MEIOSIN: variants seen among roughly 807,000 people sequenced by gnomAD.
MEIOSIN encodes the protein meiosis initiator protein.
Under a neutral mutation model 23.4 loss-of-function variants are expected in MEIOSIN, and 18 were observed. The ratio of observed to expected loss-of-function variants is 0.77; its 90% CI spans 0.53 to 1.14. The LOEUF is 1.14. Among genes scored for constraint, MEIOSIN ranks in the 50% most tolerant of loss-of-function variants. The pLI is 0.00. For missense variants in MEIOSIN, 428 were observed against 242.9 expected, an observed-to-expected ratio of 1.76 and a Z score of -5.07; for synonymous variants, 187 against 100.6, an observed-to-expected ratio of 1.86 and a Z score of -5.14.
At chr19:45,759,555 G>A in intron 11 of MEIOSIN, 65 bp downstream of exon 11, 2 of 695,848 alleles carry the variant, frequency 2.9e-6, no homozygotes, top group South Asian at 3.0e-5. Context: ...CGTCACTCAT[G>A]GCTTCATTCA....
At chr19:45,756,189 A>C (rs2146195005) in intron 8 of MEIOSIN, 111 bp downstream of exon 8, 1 of 631,224 alleles carries the variant, frequency 1.6e-6, no homozygotes, top group South Asian at 1.8e-5. Context: ...GTGCCCCTTG[A>C]GCACCAATGG....
At chr19:45,752,200 G>A (rs1344765591) in intron 5 of MEIOSIN, among the ~76,000 whole-genome samples, 3 of 151,652 alleles carry the variant, frequency 2.0e-5, no homozygotes, top group Non-Finnish European at 4.4e-5. Context: ...CTACAGGCAC[G>A]TGCCACCAAT....
chr19:45,757,888 C>T (rs977868455), intron 9 of MEIOSIN, among the ~76,000 whole-genome samples: 2 of 152,154 alleles, frequency 1.3e-5, no homozygotes, highest in Non-Finnish European at 2.9e-5. Flanking sequence ...AGTGCAGTGG[C>T]GCAATCACAG....
At chr19:45,762,304 C>G (rs562446639) in intron 13 of MEIOSIN, 121 bp downstream of exon 13, 62 of 398,636 alleles carry the variant, frequency 1.6e-4, no homozygotes, top group Non-Finnish European at 2.6e-4. Context: ...CCCCACAAAC[C>G]CTTCGTGGAC....
intron 2 of MEIOSIN, among the ~76,000 whole-genome samples, chr19:45,735,683 T>C (rs1214750916): frequency 6.6e-6 from 1 of 152,024 alleles, no homozygotes; most frequent in East Asian, 1.9e-4. Flanking sequence ...TTTATTTATT[T>C]ATTTATTTTT....
At chr19:45,750,829 A>G in intron 5 of MEIOSIN, 43 bp downstream of exon 5, 1 of 559,504 alleles carries the variant, frequency 1.8e-6, no homozygotes, top group Non-Finnish European at 3.1e-6. Flanking sequence ...GTGATGTTCC[A>G]AGTGTTGTTC....
At chr19:45,753,608 A>G (rs1357630736) in intron 5 of MEIOSIN, 43 bp from the exon 6 acceptor site, 4 of 676,986 alleles carry the variant, frequency 5.9e-6, no homozygotes, top group African/African-American at 3.5e-5. Context: ...TTGGATGCAG[A>G]TGGGGTGGGG....
rs960222981 is a variant in MEIOSIN, at chr19:45,764,165, G to A, written c.*47G>A. The A allele has an allele frequency of 4.0e-5, 16 of 398,440 alleles. No homozygotes were observed. Among genetic ancestry groups the A allele is most frequent in the East Asian group, 3.6e-4 (10 of 28,078 alleles). The allele number at this position is 398,440 out of a possible 1,614,324, so 24.7% of individuals were successfully genotyped here. On this transcript the variant is annotated 3_prime_UTR_variant, in exon 15 of 15. Transcript: ENST00000457052. ...TCCCCTCACCCCTCATGGCAACCGC[G>A]GCTCTTGCTGGAAGCCAGGACCCAT...
At chr19:45,736,603 G>A (rs867795406) in intron 2 of MEIOSIN, among the ~76,000 whole-genome samples, 4 of 151,730 alleles carry the variant, frequency 2.6e-5, no homozygotes, top group Non-Finnish European at 4.4e-5. Context: ...TCCTGACCTC[G>A]CGATCCGCCC....
intron 3 of MEIOSIN, among the ~76,000 whole-genome samples, chr19:45,744,857 T>G (rs1302706589): frequency 2.0e-5 from 3 of 152,100 alleles, no homozygotes; most frequent in African/African-American, 7.2e-5. Context: ...CAGATTTGTG[T>G]TTCAGAAAGG....
chr19:45,741,650 G>A (rs887822491), intron 3 of MEIOSIN, among the ~76,000 whole-genome samples: 1 of 151,542 alleles, frequency 6.6e-6, no homozygotes, highest in Non-Finnish European at 1.5e-5. Context: ...GGTGGAGGTT[G>A]CGGTGAGCCA....
chr19:45,741,358 A>G (rs866267519), intron 3 of MEIOSIN, among the ~76,000 whole-genome samples: 1 of 152,154 alleles, frequency 6.6e-6, no homozygotes, highest in African/African-American at 2.4e-5. Flanking sequence ...GGAAAAAAAA[A>G]AGAAAAATAT....
rs190535536 is a variant in MEIOSIN at position 45,756,981 on chromosome 19, G to A, written c.912-196G>A. Among the ~76,000 whole-genome samples the A allele has an allele frequency of 1.4e-4, 22 of 152,196 alleles. No homozygotes were observed. The East Asian group carries it at 3.3e-3, about 23-fold the overall frequency. ...CTCCACTGGCTCATCATCCTCCAGC[G>A]CCCTCGGTCACAGCACTGCTTACGG... is the stretch of plus-strand genomic sequence containing the variant. On this transcript the variant is annotated intron_variant, in intron 8 of 14. Transcript: ENST00000457052.
At chr19:45,748,469 G>C (rs1276893002) in intron 4 of MEIOSIN, among the ~76,000 whole-genome samples, 1 of 152,130 alleles carries the variant, frequency 6.6e-6, no homozygotes, top group African/African-American at 2.4e-5. Context: ...AGGTTCAATA[G>C]ATGTTTGTTG....
chr19:45,747,550 G>A (rs1968616567), intron 4 of MEIOSIN, among the ~76,000 whole-genome samples: 2 of 152,214 alleles, frequency 1.3e-5, no homozygotes, highest in Admixed American at 1.3e-4. Flanking sequence ...TGCCCACAGG[G>A]CCTAGCAAGA....
intron 4 of MEIOSIN, among the ~76,000 whole-genome samples, chr19:45,748,026 A>G (rs1237295180): frequency 6.6e-6 from 1 of 152,000 alleles, no homozygotes; most frequent in Non-Finnish European, 1.5e-5. Flanking sequence ...GGAGGTTGCA[A>G]TGAGTCGAGA....
chr19:45,755,110 T>C (rs1441595809), intron 7 of MEIOSIN, among the ~76,000 whole-genome samples: 2 of 151,602 alleles, frequency 1.3e-5, no homozygotes, highest in Non-Finnish European at 2.9e-5. Flanking sequence ...CTTTGAGGCC[T>C]CAAGTCATCT....
chr19:45,738,123 G>C (rs1376575260), intron 2 of MEIOSIN, among the ~76,000 whole-genome samples: 1 of 152,066 alleles, frequency 6.6e-6, no homozygotes, highest in Non-Finnish European at 1.5e-5. Flanking sequence ...ATCTTATAGA[G>C]GGAATTTTCA....
At chr19:45,756,710 C>T (rs1262214860) in intron 8 of MEIOSIN, among the ~76,000 whole-genome samples, 17 of 152,148 alleles carry the variant, frequency 1.1e-4, no homozygotes, top group Admixed American at 1.1e-3. Context: ...AGGTATGGGC[C>T]ACTGCACCCG....
Sources: gnomAD v4.1 joint callset for allele counts (sites outside exome capture counted in the v4.1 genomes callset) on GRCh38, gnomAD v4.1.1 for gene constraint, MANE v1.5 for transcripts, NCBI Gene and HGNC (gene_info 2026-07-23, HGNC 2026-07-21) for gene names.